The following PFKFB3 variants were observed in gnomAD, a reference collection of about 807,000 sequenced individuals.
PFKFB3 encodes the protein 6-phosphofructo-2-kinase/fructose-2,6-bisphosphatase 3.
In PFKFB3, 33 loss-of-function variants were observed where a neutral mutation model predicts 68.0. The observed-to-expected ratio is 0.49, with a 90% CI of 0.37 to 0.65. The LOEUF (loss-of-function observed/expected upper bound fraction) is 0.65. Ranked by LOEUF, PFKFB3 falls within the 30% of genes least tolerant of loss-of-function variation. The pLI, the probability that PFKFB3 is intolerant of heterozygous loss-of-function variation, is 0.00. For missense variants in PFKFB3, 586 were observed against 712.2 expected (o/e 0.82, Z 2.02); for synonymous variants, 315 against 288.2 (o/e 1.09, Z -0.94).
At chr10:6,161,573 TATAC>T (rs1841973560) in intron 1 of PFKFB3, among the ~76,000 whole-genome samples, 2 of 84,264 alleles carry the variant, frequency 2.4e-5, no homozygotes, top group Middle Eastern at 5.3e-3. Flanking sequence ...TATGTATATA[TATAC>T]ACACACACAT....
At chr10:6,297,309 A>C in the PFKFB3 span, among the ~76,000 whole-genome samples, 1 of 152,154 alleles carries the variant, frequency 6.6e-6, no homozygotes, top group Non-Finnish European at 1.5e-5. Flanking sequence ...TTCCTGGGAG[A>C]AAAGGGAACA....
intron 1 of PFKFB3, among the ~76,000 whole-genome samples, chr10:6,182,834 G>C (rs1245319719): frequency 6.6e-6 from 1 of 152,232 alleles, no homozygotes; most frequent in African/African-American, 2.4e-5. Context: ...GCCAGGGCAG[G>C]AGGGCAGAGG....
upstream of PFKFB3, among the ~76,000 whole-genome samples, chr10:6,201,337 T>G (rs1160326414): frequency 6.6e-6 from 1 of 151,526 alleles, no homozygotes; most frequent in East Asian, 1.9e-4. This position sits in a 1 kb window ranked among gnomAD's most constrained non-coding sequence, Gnocchi z 4.1. Flanking sequence ...ACGCATCGGG[T>G]TTCTGAACAG....
chr10:6,295,886 C>A, the PFKFB3 span, among the ~76,000 whole-genome samples: 1 of 152,194 alleles, frequency 6.6e-6, no homozygotes, highest in Non-Finnish European at 1.5e-5. Context: ...CTCACACAAG[C>A]GTGGGCACCT....
At chr10:6,173,661 C>G (rs1842377173) in intron 1 of PFKFB3, among the ~76,000 whole-genome samples, 1 of 151,830 alleles carries the variant, frequency 6.6e-6, no homozygotes, top group Non-Finnish European at 1.5e-5. Context: ...TTCTGGGTCT[C>G]CAGAGATCTG....
rs763020440 is a variant in PFKFB3 at position 6,226,177 on chromosome 10, CTT to C, written c.1342-13_1342-12del. 6.4e-7 allele frequency: 1 copy of C among 1,551,142 alleles called. No individual in the cohort carries two copies. The highest frequency in any genetic ancestry group is 8.7e-7 in the Non-Finnish European group (1 of 1,149,146). ...TAACTGTCGCCTTTCTCTCTTTTGT[CTT>C]TGTCTTGCTTAGGATGCAAAGAAGG... On this transcript the variant is annotated splice_polypyrimidine_tract_variant and intron_variant, in intron 13 of 14. Coordinates refer to ENST00000379775, the MANE Select transcript of PFKFB3 (RefSeq NM_004566.4).
At chr10:6,276,204 A>G in the PFKFB3 span, among the ~76,000 whole-genome samples, 2 of 152,206 alleles carry the variant, frequency 1.3e-5, no homozygotes, top group Non-Finnish European at 1.5e-5. Flanking sequence ...AATCAGGTTC[A>G]TGGGTGGCAT....
chr10:6,238,563 T>A (rs1846075407), downstream of PFKFB3, among the ~76,000 whole-genome samples: 1 of 150,460 alleles, frequency 6.6e-6, no homozygotes, highest in African/African-American at 2.5e-5. Context: ...TTTTTTTTTT[T>A]AACTTTTATT....
chr10:6,207,036 G>A (rs12357293), intron 1 of PFKFB3, among the ~76,000 whole-genome samples: 18,913 of 136,522 alleles, frequency 0.14, 1,565 homozygotes, highest in East Asian at 0.19. Flanking sequence ...CAGATGGGGT[G>A]GCGGCCGGGC....
intron 13 of PFKFB3, chr10:6,224,588 C>T (rs11595843): frequency 0.021 from 9,092 of 422,952 alleles, 131 homozygotes; most frequent in Middle Eastern, 0.037. Context: ...TCAAGTGATC[C>T]TCCCGCCTCA....
At chr10:6,301,394 G>A in the PFKFB3 span, among the ~76,000 whole-genome samples, 2 of 152,276 alleles carry the variant, frequency 1.3e-5, no homozygotes, top group South Asian at 2.1e-4. Flanking sequence ...AATAATGGTC[G>A]ATGCATATTC....
At chr10:6,291,457 C>G in the PFKFB3 span, among the ~76,000 whole-genome samples, 1 of 150,356 alleles carries the variant, frequency 6.7e-6, no homozygotes, top group Non-Finnish European at 1.5e-5. Context: ...GAGGCTGAGG[C>G]AGGAGAATTG....
At chr10:6,316,161 C>T in the PFKFB3 span, among the ~76,000 whole-genome samples, 21 of 152,306 alleles carry the variant, frequency 1.4e-4, no homozygotes, top group Middle Eastern at 6.8e-3. Flanking sequence ...CTGTGATAGA[C>T]GTAGACACCC....
chr10:6,187,873 A>T (rs191965128), intron 1 of PFKFB3, among the ~76,000 whole-genome samples: 4 of 152,256 alleles, frequency 2.6e-5, no homozygotes. Context: ...AAATAGTGCA[A>T]AGTGTTCCAT....
At chr10:6,153,401 G>A (rs764458169) in intron 1 of PFKFB3, among the ~76,000 whole-genome samples, 7 of 152,176 alleles carry the variant, frequency 4.6e-5, no homozygotes, top group Non-Finnish European at 8.8e-5. Context: ...CTCGGCCATG[G>A]AGCTTACATG....
At position 6,213,761 on chromosome 10, in the gene PFKFB3, CT is replaced by C; in HGVS notation, c.202+14del. ...GTCCCCACAAAAGGTGAGACTGGGTCTCGAGGCCGGACCCCTGCTCGTGCAA... is the reference window on the plus strand; with the variant it reads ...GTCCCCACAAAAGGTGAGACTGGGTCCGAGGCCGGACCCCTGCTCGTGCAA... On this transcript the variant is annotated intron_variant, in intron 2 of 14. Transcript: ENST00000379775. The C allele has an allele frequency of 6.2e-7, 1 of 1,610,456 alleles. No homozygotes were observed. Among genetic ancestry groups the C allele is most frequent in the Admixed American group, 1.7e-5 (1 of 59,444 alleles).
chr10:6,295,983 A>G, the PFKFB3 span, among the ~76,000 whole-genome samples: 2 of 152,174 alleles, frequency 1.3e-5, no homozygotes, highest in Admixed American at 1.3e-4. Flanking sequence ...AGTTTCACAC[A>G]CTACAACAGA....
intron 1 of PFKFB3, among the ~76,000 whole-genome samples, chr10:6,178,596 G>C (rs1842605724): frequency 6.6e-6 from 1 of 152,186 alleles, no homozygotes; most frequent in Non-Finnish European, 1.5e-5. Context: ...CGCCCCACGG[G>C]TCCCTCCTGC....
In PFKFB3 at chr10:6,165,910, G is replaced by A. The variant is rs571035448; in HGVS notation, c.16+20897G>A. 1.1e-4 allele frequency among the ~76,000 whole-genome samples: 16 copies of A among 150,810 alleles called. No homozygotes were observed. In the South Asian group the frequency reaches 2.7e-3, roughly 26 times the overall value. On this transcript the variant is annotated intron_variant, in intron 1 of 14. Coordinates refer to the PFKFB3 transcript ENST00000379789. ...GCTCACTGCAACCTCTGCCTCCCGGGTTCAAGCGATTCTCTTCCCTCAGCC... is the reference window on the plus strand; with the variant it reads ...GCTCACTGCAACCTCTGCCTCCCGGATTCAAGCGATTCTCTTCCCTCAGCC...
Sources: allele counts gnomAD v4.1 joint callset (sites outside exome capture counted in the v4.1 genomes callset), GRCh38; gene constraint gnomAD v4.1.1; non-coding constraint Gnocchi (gnomAD v3.1); transcripts MANE v1.5; gene names NCBI Gene and HGNC (gene_info 2026-07-23, HGNC 2026-07-21).